Variants in IL1RAPL1 observed in about 807,000 individuals in gnomAD.
IL1RAPL1 encodes the protein interleukin 1 receptor accessory protein like 1, also known as interleukin-1 receptor accessory protein-like 1.
A neutral mutation model predicts 48.4 loss-of-function variants in IL1RAPL1; 3 were observed. That is an observed-to-expected ratio of 0.06 (90% CI 0.03 to 0.16). IL1RAPL1 has a LOEUF of 0.16. Ranked by LOEUF, IL1RAPL1 falls within the 10% of genes least tolerant of loss-of-function variation. The probability of loss-of-function intolerance (pLI) is 1.00; values close to 1 mark genes in which losing one functional copy is unlikely to be tolerated. For missense variants in IL1RAPL1, 349 were observed against 530.6 expected (o/e 0.66, Z 3.36); for synonymous variants, 185 against 187.7 (o/e 0.99, Z 0.12).
At chrX:29,260,892 C>T (rs1055331153) in intron 2 of IL1RAPL1, among the ~76,000 whole-genome samples, 3 of 104,719 alleles carry the variant, frequency 2.9e-5, no homozygotes, top group Admixed American at 1.1e-4. Context: ...AATGTATAGA[C>T]AGTAAAAATA....
At chrX:29,490,114 G>T (rs1379043399) in intron 5 of IL1RAPL1, among the ~76,000 whole-genome samples, 1 of 110,904 alleles carries the variant, frequency 9.0e-6, no homozygotes, top group African/African-American at 3.3e-5. Flanking sequence ...TATCTTTAAT[G>T]TCTGTGACAA....
intron 1 of IL1RAPL1, among the ~76,000 whole-genome samples, chrX:28,632,778 T>C (rs1251821859): frequency 9.0e-6 from 1 of 111,708 alleles, no homozygotes; most frequent in African/African-American, 3.2e-5. Context: ...TTTGTAAATC[T>C]CTTTAATATC....
At chrX:29,630,015 G>A (rs1924721511) in intron 5 of IL1RAPL1, among the ~76,000 whole-genome samples, 1 of 111,928 alleles carries the variant, frequency 8.9e-6, no homozygotes, top group Non-Finnish European at 1.9e-5. Context: ...TGCTCAGGCT[G>A]CTATAACAAA....
intron 5 of IL1RAPL1, among the ~76,000 whole-genome samples, chrX:29,479,250 A>T (rs547446097): frequency 2.8e-5 from 3 of 107,319 alleles, no homozygotes; most frequent in South Asian, 4.3e-4. Context: ...TCTCTACGAA[A>T]TACAAATAAA....
intron 2 of IL1RAPL1, among the ~76,000 whole-genome samples, chrX:28,994,786 T>C (rs1925691069): frequency 8.9e-6 from 1 of 111,950 alleles, no homozygotes; most frequent in African/African-American, 3.2e-5. Flanking sequence ...GCATTGACAT[T>C]ATTAAAAGAA....
intron 2 of IL1RAPL1, among the ~76,000 whole-genome samples, chrX:29,080,964 CTTTCTTTCTTTCTTTCTT>C (rs1927799999): frequency 1.4e-4 from 6 of 41,542 alleles, no homozygotes; most frequent in African/African-American, 7.1e-4. Flanking sequence ...TTCTTTCTTT[CTTTCTTTCTTTCTTTCTT>C]TCTTTCTTTC....
At chrX:29,548,901 T>C (rs1485026570) in intron 5 of IL1RAPL1, among the ~76,000 whole-genome samples, 2 of 111,798 alleles carry the variant, frequency 1.8e-5, no homozygotes, top group Admixed American at 9.5e-5. Flanking sequence ...TTGTTATCTG[T>C]TTGCCTTGAT....
chrX:28,714,404 T>C (rs1935479055), intron 1 of IL1RAPL1, among the ~76,000 whole-genome samples: 1 of 111,975 alleles, frequency 8.9e-6, no homozygotes, highest in Admixed American at 9.5e-5. Flanking sequence ...GGAAAAAGTA[T>C]AGACATATAC....
At chrX:29,138,754 G>A (rs1929183631) in intron 2 of IL1RAPL1, among the ~76,000 whole-genome samples, 1 of 102,750 alleles carries the variant, frequency 9.7e-6, no homozygotes, top group Non-Finnish European at 2.0e-5. Context: ...TCCAGGCTGG[G>A]TGACAGAGCG....
chrX:29,479,269 G>A lies in IL1RAPL1; in HGVS notation c.703+79961G>A, dbSNP rs1050006073. Among the ~76,000 whole-genome samples the A allele has an allele frequency of 2.8e-5, 3 of 107,655 alleles. No homozygotes were observed. The Admixed American group carries it at 3.0e-4, about 11-fold the overall frequency. 93.5% of individuals were successfully genotyped at this position (107,655 alleles called of 115,157 possible). A position where few individuals can be genotyped will look rare whatever the true frequency, so the allele number is the denominator to read the frequency against. Reference sequence around the variant, plus strand: ...TACGAAATACAAATAAAAATAATTAGCAGGTGTGGTGGCACGTGCCTTGTG... The same window carrying A: ...TACGAAATACAAATAAAAATAATTAACAGGTGTGGTGGCACGTGCCTTGTG... On this transcript the variant is annotated intron_variant, in intron 5 of 10. Transcript: ENST00000378993.
chrX:29,166,436 C>T lies in IL1RAPL1; in HGVS notation c.83-116502C>T, dbSNP rs753821515. 4.5e-5 allele frequency among the ~76,000 whole-genome samples: 5 copies of T among 111,722 alleles called. No individual in the cohort carries two copies. In the South Asian group the frequency reaches 1.9e-3, roughly 42 times the overall value. Reference sequence around the variant, plus strand: ...TCTTCATGGCTTGAACAATCCAGAGCCTGTGAAATCTCCCTTGAATCTCTG... The same window carrying T: ...TCTTCATGGCTTGAACAATCCAGAGTCTGTGAAATCTCCCTTGAATCTCTG... On this transcript the variant is annotated intron_variant, in intron 2 of 10. Coordinates refer to ENST00000378993, the MANE Select transcript of IL1RAPL1 (RefSeq NM_014271.4).
intron 5 of IL1RAPL1, among the ~76,000 whole-genome samples, chrX:29,404,101 CTT>C (rs1013066181): frequency 1.8e-5 from 2 of 111,933 alleles, no homozygotes; most frequent in African/African-American, 6.5e-5. Context: ...AAGGTTTTCT[CTT>C]TGTGCTGTGA....
intron 1 of IL1RAPL1, among the ~76,000 whole-genome samples, chrX:28,773,861 G>A (rs1936334422): frequency 9.0e-6 from 1 of 111,638 alleles, no homozygotes; most frequent in Non-Finnish European, 1.9e-5. Flanking sequence ...TGATATCTTT[G>A]CTCTCTCACA....
At chrX:29,806,501 G>T (rs1332491182) in intron 6 of IL1RAPL1, among the ~76,000 whole-genome samples, 1 of 110,666 alleles carries the variant, frequency 9.0e-6, no homozygotes, top group Non-Finnish European at 1.9e-5. Flanking sequence ...ATATAGCAAA[G>T]AATATGATTA....
At chrX:29,449,675 A>G (rs934740921) in intron 5 of IL1RAPL1, among the ~76,000 whole-genome samples, 3 of 106,811 alleles carry the variant, frequency 2.8e-5, no homozygotes, top group African/African-American at 1.0e-4. Context: ...TGGAGAAACC[A>G]ACTGGTGAAG....
rs111832980 is a variant in IL1RAPL1, at chrX:29,278,354, T to G, written c.83-4584T>G. ...TTAATTCCATTACTGTCTTCATATATGCTCCCAGAACTTTATGAGAGGTAA... is the reference window on the plus strand; with the variant it reads ...TTAATTCCATTACTGTCTTCATATAGGCTCCCAGAACTTTATGAGAGGTAA... On this transcript the variant is annotated intron_variant, in intron 2 of 10. Transcript: ENST00000378993. Among the ~76,000 whole-genome samples, 634 of 112,234 alleles carry G rather than the reference T, an allele frequency of 5.6e-3. 5 individuals carry two copies. The highest frequency in any genetic ancestry group is 9.4e-3 in the Non-Finnish European group (499 of 53,209).
chrX:29,764,646 C>G (rs1333928982), intron 6 of IL1RAPL1, among the ~76,000 whole-genome samples: 1 of 111,999 alleles, frequency 8.9e-6, no homozygotes, highest in African/African-American at 3.2e-5. Context: ...TTAAAAAAAT[C>G]TTGTCTGGGT....
At chrX:29,730,464 A>G (rs917220840) in intron 6 of IL1RAPL1, among the ~76,000 whole-genome samples, 4 of 112,131 alleles carry the variant, frequency 3.6e-5, no homozygotes, top group African/African-American at 9.7e-5. Flanking sequence ...TTGTCAAGTC[A>G]AATGAAAACT....
rs771610739 is a variant in IL1RAPL1, at chrX:28,622,647, A to G, written c.-25+34600A>G. On this transcript the variant is annotated intron_variant, in intron 1 of 10. Coordinates refer to ENST00000378993, the MANE Select transcript of IL1RAPL1 (RefSeq NM_014271.4). The stretch of plus-strand genomic sequence containing the variant: ...TATGCATTTTTTCATGTTTTCAGTT[A>G]ACATTACTTGGGGTATAAAATGCTA... 5.4e-5 allele frequency among the ~76,000 whole-genome samples: 6 copies of G among 111,954 alleles called. 1 individual carries two copies. In the South Asian group the frequency reaches 1.8e-3, roughly 34 times the overall value.
Sources: allele counts gnomAD v4.1 joint callset (sites outside exome capture counted in the v4.1 genomes callset), GRCh38; gene constraint gnomAD v4.1.1; transcripts MANE v1.5; gene names NCBI Gene and HGNC (gene_info 2026-07-23, HGNC 2026-07-21).